Variants in BTBD3 observed in about 807,000 individuals in gnomAD.
The protein encoded by BTBD3 is BTB/POZ domain-containing protein 3.
In BTBD3, 14 loss-of-function variants were observed where a neutral mutation model predicts 41.6. The observed-to-expected ratio is 0.34, with a 90% confidence interval of 0.22 to 0.53. The LOEUF is 0.53. BTBD3 is among the 20% of genes least tolerant of loss of function. BTBD3 has a pLI of 0.95. For missense variants in BTBD3, 426 were observed against 654.7 expected, an observed-to-expected ratio of 0.65 and a Z score of 3.81; for synonymous variants, 249 against 233.7, an observed-to-expected ratio of 1.07 and a Z score of -0.60.
Position 11,922,739 on chromosome 20 carries a change from T to A in BTBD3, c.642T>A (p.Asn214Lys), listed in dbSNP as rs994438623. 6 of 1,614,126 alleles carry A rather than the reference T, an allele frequency of 3.7e-6. No individual in the cohort carries two copies. The highest frequency in any genetic ancestry group is 5.1e-6 in the Non-Finnish European group (6 of 1,180,054). The change falls in exon 4 of 4, where the codon AAT becomes AAA. Residue 214 changes from asparagine to lysine, a missense_variant. Coordinates refer to ENST00000378226, the MANE Select transcript of BTBD3 (RefSeq NM_014962.4). ...IVPHLARACV[N>K]FLETSLSAKN... is the part of the protein sequence containing the mutation. ...CTCACCTTGCCAGAGCCTGTGTTAA[T>A]TTCCTGGAGACCAGCCTGAGTGCCA...
intron 1 of BTBD3, among the ~76,000 whole-genome samples, chr20:11,912,457 A>C (rs942962190): frequency 1.3e-5 from 2 of 152,152 alleles, no homozygotes; most frequent in African/African-American, 4.8e-5. Context: ...CTTATTATTG[A>C]ACCTTCCCTG....
intron 1 of BTBD3, among the ~76,000 whole-genome samples, chr20:11,900,352 A>C (rs1006998738): frequency 1.3e-5 from 2 of 152,240 alleles, no homozygotes; most frequent in African/African-American, 4.8e-5. Context: ...GATAAATCAC[A>C]TTGCCCTCAG....
chr20:11,908,886 T>G (rs146224340), intron 1 of BTBD3, among the ~76,000 whole-genome samples: 176 of 152,332 alleles, frequency 1.2e-3, no homozygotes, highest in African/African-American at 4.0e-3. Context: ...ATTTAAAGTA[T>G]ACTGTGCCTT....
chr20:11,902,705 T>C (rs1044446477), intron 1 of BTBD3, among the ~76,000 whole-genome samples: 2 of 152,228 alleles, frequency 1.3e-5, no homozygotes, highest in Non-Finnish European at 2.9e-5. Flanking sequence ...ACAGTTAATT[T>C]TATGCCTTTA....
In BTBD3 at chr20:11,918,226, GT is replaced by G; in HGVS notation, c.-48del. 6.6e-7 allele frequency: 1 copy of G among 1,510,316 alleles called. No individual in the cohort carries two copies. Among genetic ancestry groups the G allele is most frequent in the South Asian group, 1.4e-5 (1 of 73,274 alleles). 93.6% of individuals were successfully genotyped at this position (1,510,316 alleles called of 1,614,324 possible). A position where few individuals can be genotyped will look rare whatever the true frequency, so the allele number is the denominator to read the frequency against. On this transcript the variant is annotated 5_prime_UTR_variant, in exon 1 of 4. An upstream open reading frame in the 5' UTR loses its in-frame stop. Transcript: ENST00000378226. ...CCCGGGCTAATCTCTTTTCCTTGAT[GT>G]TCAAACCAATTTGGGATATCTAACT...
chr20:11,924,806 C>G lies in BTBD3; in HGVS notation c.*1140C>G, dbSNP rs2057005194. ...TGTCCTGTTCCTAGACTGCTAGAATCTGGCCCCTGGCCATCTTAAAGTGCC... is the reference window on the plus strand; with the variant it reads ...TGTCCTGTTCCTAGACTGCTAGAATGTGGCCCCTGGCCATCTTAAAGTGCC... On this transcript the variant is annotated 3_prime_UTR_variant, in exon 4 of 4. Transcript: ENST00000378226. 6.6e-6 allele frequency: 1 copy of G among 152,622 alleles called. No homozygotes were observed. Among genetic ancestry groups the G allele is most frequent in the African/African-American group, 2.4e-5 (1 of 41,454 alleles). The allele number at this position is 152,622 out of a possible 1,614,324, so 9.5% of individuals were successfully genotyped here. A position where few individuals can be genotyped will look rare whatever the true frequency, so the allele number is the denominator to read the frequency against.
At chr20:11,903,830 A>T (rs2122212158) in intron 1 of BTBD3, among the ~76,000 whole-genome samples, 1 of 151,918 alleles carries the variant, frequency 6.6e-6, no homozygotes, top group East Asian at 1.9e-4. Context: ...CTGGTTTCAA[A>T]CTCCTGACCT....
chr20:11,899,174 T>C (rs373279542), intron 1 of BTBD3, among the ~76,000 whole-genome samples: 173 of 152,264 alleles, frequency 1.1e-3, no homozygotes, highest in African/African-American at 3.9e-3. Context: ...TAGTCTTTTT[T>C]CCTATGAGGT....
intron 1 of BTBD3, among the ~76,000 whole-genome samples, chr20:11,896,301 C>T (rs1460157498): frequency 3.3e-5 from 5 of 152,064 alleles, no homozygotes; most frequent in South Asian, 4.2e-4. Flanking sequence ...AATTGGCTGT[C>T]GGTAGTCTAA....
In BTBD3 at chr20:11,923,164, A is replaced by G. The variant is rs137886713; in HGVS notation, c.1067A>G (p.Lys356Arg). 6.9e-5 allele frequency: 111 copies of G among 1,614,218 alleles called. No individual in the cohort carries two copies. The highest frequency in any genetic ancestry group is 1.5e-4 in the South Asian group (14 of 91,088). Residue 356 changes from lysine (K) to arginine (R), a missense_variant, in exon 4 of 4, where the codon AAA becomes AGA. Transcript: ENST00000378226. This position sits in a 1 kb window ranked among gnomAD's most constrained non-coding sequence, Gnocchi z 5.3. ...NDIFLWYTAAKKPELQFVSKA... is the reference protein window; with the variant it reads ...NDIFLWYTAARKPELQFVSKA... ...ATCTTCCTCTGGTATACTGCAGCCA[A>G]AAAGCCTGAGCTTCAGTTTGTGAGT...
At chr20:11,895,248 A>G (rs924343107) in intron 1 of BTBD3, among the ~76,000 whole-genome samples, 1 of 152,228 alleles carries the variant, frequency 6.6e-6, no homozygotes, top group Non-Finnish European at 1.5e-5. Context: ...TAGATTTAGA[A>G]TATTTAGAAA....
chr20:11,890,831 G>C (rs2056744331), exon 1 of BTBD3: 2 of 985,190 alleles, frequency 2.0e-6, no homozygotes, highest in East Asian at 1.1e-4. Flanking sequence ...CGTGCCCTGC[G>C]TGCGGGTGCC....
At chr20:11,901,352 T>G (rs2056822681) in intron 1 of BTBD3, among the ~76,000 whole-genome samples, 1 of 152,110 alleles carries the variant, frequency 6.6e-6, no homozygotes, top group South Asian at 2.1e-4. Context: ...GATGAATAAG[T>G]GCTTGAAGCT....
chr20:11,922,550 C>T, intron 3 of BTBD3, 84 bp from the exon 4 acceptor site: 1 of 1,268,166 alleles, frequency 7.9e-7, no homozygotes, highest in Admixed American at 2.1e-5. Flanking sequence ...GTTCTCAGAA[C>T]AAACTTGAAA....
chr20:11,919,134 G>C lies in BTBD3; in HGVS notation c.375G>C (p.Val125=), dbSNP rs150546801. 6.2e-7 allele frequency: 1 copy of C among 1,613,598 alleles called. No individual in the cohort carries two copies. Among genetic ancestry groups the C allele is most frequent in the African/African-American group, 1.3e-5 (1 of 74,892 alleles). The change falls in exon 2 of 4, where the codon GTG becomes GTC. Residue 125 remains valine (V), a synonymous_variant. Coordinates refer to ENST00000378226, the MANE Select transcript of BTBD3 (RefSeq NM_014962.4). ...ATTTGATGGCAGATGTACATTTTGT[G>C]GTTGGGCCACCAGGTGGGACTCAAC... ...NNDLMADVHF[V]VGPPGGTQRL...
chr20:11,914,356 T>G (rs1172954240), upstream of BTBD3, among the ~76,000 whole-genome samples: 2 of 152,202 alleles, frequency 1.3e-5, no homozygotes, highest in Admixed American at 1.3e-4. Flanking sequence ...AAATCAATCT[T>G]ATAGTTTTAT....
At chr20:11,919,894 G>A in intron 3 of BTBD3, 58 bp downstream of exon 3, 1 of 1,414,148 alleles carries the variant, frequency 7.1e-7, no homozygotes, top group Non-Finnish European at 1.0e-6. Flanking sequence ...GTACCCTGCT[G>A]GTTTCACAGT....
chr20:11,922,518 A>G (rs960264509), intron 3 of BTBD3, 116 bp from the exon 4 acceptor site: 3 of 808,712 alleles, frequency 3.7e-6, no homozygotes, highest in Non-Finnish European at 6.0e-6. Context: ...ATATGTTTGT[A>G]TTAACTGTCA....
At chr20:11,903,757 C>A (rs2056837506) in intron 1 of BTBD3, among the ~76,000 whole-genome samples, 2 of 152,098 alleles carry the variant, frequency 1.3e-5, no homozygotes, top group South Asian at 4.1e-4. Context: ...CAGGTGCCCG[C>A]CACCATGCCC....
Sources: allele counts gnomAD v4.1 joint callset (sites outside exome capture counted in the v4.1 genomes callset), GRCh38; gene constraint gnomAD v4.1.1; non-coding constraint Gnocchi (gnomAD v3.1); transcripts MANE v1.5; gene names NCBI Gene and HGNC (gene_info 2026-07-23, HGNC 2026-07-21).